MAGI2: variants seen among roughly 807,000 people sequenced by gnomAD.
MAGI2 encodes the protein membrane associated guanylate kinase, WW and PDZ domain containing 2.
In MAGI2, 35 loss-of-function variants were observed where a neutral mutation model predicts 133.3. The observed-to-expected ratio is 0.26, with a 90% CI of 0.20 to 0.35. MAGI2 has a LOEUF of 0.35. Ranked by LOEUF, MAGI2 falls within the 10% of genes least tolerant of loss-of-function variation. MAGI2 has a pLI of 1.00. For synonymous variants in MAGI2, 729 were observed against 710.6 expected, an observed-to-expected ratio of 1.03 and a Z score of -0.41; for missense variants, 1,636 against 1,863.4, an observed-to-expected ratio of 0.88 and a Z score of 2.25.
intron 3 of MAGI2, among the ~76,000 whole-genome samples, chr7:78,535,849 C>G (rs1175224387): frequency 1.3e-5 from 2 of 150,134 alleles, no homozygotes; most frequent in African/African-American, 4.9e-5. Flanking sequence ...GATCGAGAAC[C>G]TGGCTCATCT....
intron 21 of MAGI2, among the ~76,000 whole-genome samples, chr7:78,027,654 GAAAAAGA>G (rs1809085930): frequency 6.8e-6 from 1 of 146,568 alleles, no homozygotes; most frequent in Non-Finnish European, 1.5e-5. Context: ...GAAAGAAAAA[GAAAAAGA>G]AATATGACCT....
At position 78,938,683 on chromosome 7, in the gene MAGI2, C is replaced by T. The variant is rs1382250041; in HGVS notation, c.418+68407G>A. On this transcript the variant is annotated intron_variant, in intron 2 of 21. Coordinates refer to ENST00000354212, the MANE Select transcript of MAGI2 (RefSeq NM_012301.4). ...ACTTAGATATCACTTAAAATCTCAC[C>T]GACAGCTTGTAATCTCTTTATGCCA... 4.6e-5 allele frequency among the ~76,000 whole-genome samples: 7 copies of T among 152,014 alleles called. No individual in the cohort carries two copies. The South Asian group carries it at 6.2e-4, about 13-fold the overall frequency.
chr7:79,259,224 A>G (rs1585352288), intron 1 of MAGI2, among the ~76,000 whole-genome samples: 1 of 152,220 alleles, frequency 6.6e-6, no homozygotes, highest in Non-Finnish European at 1.5e-5. Context: ...CCCTTAGAGT[A>G]AAAATAGTAG....
intron 6 of MAGI2, among the ~76,000 whole-genome samples, chr7:78,438,549 G>A (rs918517674): frequency 3.3e-5 from 5 of 152,168 alleles, no homozygotes; most frequent in African/African-American, 1.2e-4. Context: ...TCCTTTATGA[G>A]CGTGCTGTTT....
At chr7:78,186,262 T>G (rs1453077400) in intron 12 of MAGI2, among the ~76,000 whole-genome samples, 1 of 152,114 alleles carries the variant, frequency 6.6e-6, no homozygotes, top group African/African-American at 2.4e-5. Flanking sequence ...ACATAAAAAT[T>G]CAAAAAAGTG....
intron 2 of MAGI2, among the ~76,000 whole-genome samples, chr7:78,912,747 TC>T (rs1388199201): frequency 1.4e-5 from 2 of 145,838 alleles, no homozygotes; most frequent in African/African-American, 5.1e-5. Flanking sequence ...TATATATCAT[TC>T]ATATATATAT....
At chr7:79,235,568 C>T (rs1041562203) in intron 1 of MAGI2, among the ~76,000 whole-genome samples, 9 of 152,196 alleles carry the variant, frequency 5.9e-5, no homozygotes, top group Non-Finnish European at 1.3e-4. Context: ...CAGGTGCGTC[C>T]GTCACCCCTT....
chr7:78,703,572 T>G (rs1400196620), intron 2 of MAGI2, among the ~76,000 whole-genome samples: 1 of 152,038 alleles, frequency 6.6e-6, no homozygotes, highest in South Asian at 2.1e-4. Context: ...ACAACAGTGG[T>G]TGTCCATGAA....
At chr7:78,893,234 G>A (rs1289838361) in intron 2 of MAGI2, among the ~76,000 whole-genome samples, 2 of 152,074 alleles carry the variant, frequency 1.3e-5, no homozygotes, top group African/African-American at 4.8e-5. Context: ...GAAACAACAG[G>A]TGCTGGAGAG....
rs540318148 is a variant in MAGI2, at chr7:78,229,896, T to C, written c.2047+26047A>G. On this transcript the variant is annotated intron_variant, in intron 10 of 21. Transcript: ENST00000354212. Reference sequence around the variant, plus strand: ...ACAGATTCGGAGGATCCCCAGCCATTCTTGGCCAAGAGGTCCACCAATATC... The same window carrying C: ...ACAGATTCGGAGGATCCCCAGCCATCCTTGGCCAAGAGGTCCACCAATATC... Among the ~76,000 whole-genome samples, 3 of 152,172 alleles carry C rather than the reference T, an allele frequency of 2.0e-5. No homozygotes were observed. The East Asian group carries it at 5.8e-4, about 29-fold the overall frequency.
chr7:78,677,664 A>G (rs1443332153), intron 2 of MAGI2, among the ~76,000 whole-genome samples: 2 of 152,136 alleles, frequency 1.3e-5, no homozygotes, highest in Non-Finnish European at 2.9e-5. Context: ...AAGTCTTCCC[A>G]TAAAAATTAT....
chr7:78,937,867 T>G (rs1800637432), intron 2 of MAGI2, among the ~76,000 whole-genome samples: 2 of 152,112 alleles, frequency 1.3e-5, no homozygotes, highest in Admixed American at 6.6e-5. Flanking sequence ...TGGTGGGAAT[T>G]GAGAATTCTC....
intron 3 of MAGI2, among the ~76,000 whole-genome samples, chr7:78,533,431 A>G (rs993305756): frequency 1.3e-5 from 2 of 152,204 alleles, no homozygotes; most frequent in African/African-American, 4.8e-5. Context: ...GGAGAACACA[A>G]AAGAAGAGGA....
chr7:78,242,758 C>T (rs969979904), intron 10 of MAGI2, among the ~76,000 whole-genome samples: 37 of 151,992 alleles, frequency 2.4e-4, no homozygotes, highest in African/African-American at 8.9e-4. Flanking sequence ...TTGTTGTGGT[C>T]ATGGTGGTTT....
chr7:78,310,052 C>T (rs1798568624), intron 9 of MAGI2, among the ~76,000 whole-genome samples: 1 of 151,848 alleles, frequency 6.6e-6, no homozygotes. Context: ...TCTTAATCTT[C>T]CATAAAAGCA....
chr7:78,922,706 C>A (rs1048169852), intron 2 of MAGI2, among the ~76,000 whole-genome samples: 1 of 151,916 alleles, frequency 6.6e-6, no homozygotes. Context: ...GGGTATATAC[C>A]CAGTAATGTG....
At position 79,047,543 on chromosome 7, in the gene MAGI2, A is replaced by G. The variant is rs924291919; in HGVS notation, c.302-40337T>C. Among the ~76,000 whole-genome samples the G allele has an allele frequency of 2.0e-5, 3 of 152,248 alleles. No individual in the cohort carries two copies. The East Asian group carries it at 5.8e-4, about 29-fold the overall frequency. ...TACAAATATGTGTGTATGTCTCTGT[A>G]ACATACAACATTCTTTTATATGTGT... On this transcript the variant is annotated intron_variant, in intron 1 of 21. Transcript: ENST00000354212.
chr7:79,333,538 T>A (rs1260391401), intron 1 of MAGI2, among the ~76,000 whole-genome samples: 2 of 152,250 alleles, frequency 1.3e-5, no homozygotes, highest in Non-Finnish European at 1.5e-5. Context: ...GGATTTATTC[T>A]TGATTATTTT....
intron 2 of MAGI2, among the ~76,000 whole-genome samples, chr7:78,733,761 G>A (rs961998376): frequency 6.6e-6 from 1 of 152,106 alleles, no homozygotes; most frequent in Non-Finnish European, 1.5e-5. Flanking sequence ...AGACATTCAT[G>A]CCTTTAAGGA....
Sources: gnomAD v4.1 joint callset for allele counts (sites outside exome capture counted in the v4.1 genomes callset) on GRCh38, gnomAD v4.1.1 for gene constraint, MANE v1.5 for transcripts, NCBI Gene and HGNC (gene_info 2026-07-23, HGNC 2026-07-21) for gene names.